Variants in NPHP4 observed in about 807,000 individuals in gnomAD.
NPHP4 encodes the protein nephrocystin-4.
NPHP4 carries 151 observed loss-of-function variants against 155.8 expected under a neutral mutation model. That is an observed-to-expected ratio of 0.97 (90% CI 0.85 to 1.11). The LOEUF is 1.11. Ranked by LOEUF, NPHP4 falls within the 50% of genes least tolerant of loss-of-function variation. The probability of loss-of-function intolerance (pLI) is 0.00; values close to 1 mark genes in which losing one functional copy is unlikely to be tolerated. For synonymous variants in NPHP4, 845 were observed against 816.8 expected, an observed-to-expected ratio of 1.03 and a Z score of -0.59; for missense variants, 1,956 against 1,925.7, an observed-to-expected ratio of 1.02 and a Z score of -0.29.
chr1:5,874,368 G>T, intron 22 of NPHP4, 103 bp downstream of exon 22: 1 of 1,164,608 alleles, frequency 8.6e-7, no homozygotes, highest in Non-Finnish European at 1.2e-6. Flanking sequence ...AGGCTAGTCT[G>T]TCTGCACAGG....
Position 5,867,053 on chromosome 1 carries a change from C to G in NPHP4, c.3535G>C (p.Val1179Leu), listed in dbSNP as rs757359430. Residue 1179 changes from valine to leucine, a missense_variant, in exon 25 of 30, where the codon GTC (valine) becomes CTC (leucine). Physicochemically the swap from Val to Leu is conservative, Grantham distance 32. Transcript: ENST00000378156. The surrounding 1 kb of genome is among the most constrained non-coding windows in gnomAD (Gnocchi z 4.1). The stretch of plus-strand genomic sequence containing the variant: ...ACCACATTCTGGGTCTCACAGATGA[C>G]GTTCGGGTCGCTGCAGCGAACATGG... ...PVHVRCSDPN[V>L]ICETQNVGPG... The G allele has an allele frequency of 1.2e-6, 2 of 1,613,064 alleles. No individual in the cohort carries two copies. The highest frequency in any genetic ancestry group is 1.7e-6 in the Non-Finnish European group (2 of 1,179,526).
intron 16 of NPHP4, among the ~76,000 whole-genome samples, chr1:5,895,492 T>G (rs1644350828): frequency 6.6e-6 from 1 of 152,168 alleles, no homozygotes; most frequent in East Asian, 1.9e-4. Flanking sequence ...AGAGTAAGAC[T>G]TCGTTTCAAA....
intron 9 of NPHP4, among the ~76,000 whole-genome samples, chr1:5,941,335 G>A (rs550094346): frequency 6.4e-5 from 9 of 141,528 alleles, no homozygotes; most frequent in East Asian, 6.0e-4. Context: ...AACATTGCAC[G>A]AGGAGAAAAT....
intron 7 of NPHP4, among the ~76,000 whole-genome samples, chr1:5,951,683 A>G (rs114263507): frequency 0.021 from 3,147 of 152,332 alleles, 108 homozygotes; most frequent in African/African-American, 0.071. Context: ...ACAGTTCATC[A>G]GGCCCAATTT....
chr1:5,893,002 G>T (rs1047888301), intron 16 of NPHP4, among the ~76,000 whole-genome samples: 1 of 152,216 alleles, frequency 6.6e-6, no homozygotes, highest in African/African-American at 2.4e-5. Flanking sequence ...TCCAGGCAAC[G>T]ATGAATGAGT....
Position 5,875,070 on chromosome 1 carries a change from G to C in NPHP4, c.2848C>G (p.Arg950Gly), listed in dbSNP as rs371939932. The change falls in exon 21 of 30, where the codon CGG becomes GGG. Residue 950 changes from arginine to glycine, a missense_variant. Coordinates refer to ENST00000378156, the MANE Select transcript of NPHP4 (RefSeq NM_015102.5). Reference sequence around the variant, plus strand: ...TAGGCGGCGATGACCTGTAGGTCCCGCAAGTGCTGTGTGCGGACGCTCTGC... The same window carrying C: ...TAGGCGGCGATGACCTGTAGGTCCCCCAAGTGCTGTGTGCGGACGCTCTGC... ...AQQSVRTQHL[R>G]DLQVIAAYRE... 1.2e-6 allele frequency: 2 copies of C among 1,606,690 alleles called. No individual in the cohort carries two copies. The highest frequency in any genetic ancestry group is 1.7e-6 in the Non-Finnish European group (2 of 1,179,538).
At position 5,867,583 on chromosome 1, in the gene NPHP4, A is replaced by T; in HGVS notation, c.3472+157T>A. ...AGGTGGCAAGAGGGACACCGTTTCA[A>T]ACCATAAAGGCAGGAGAGAGAATTC... is the stretch of plus-strand genomic sequence containing the variant. On this transcript the variant is annotated intron_variant, in intron 24 of 29. Coordinates refer to ENST00000378156, the MANE Select transcript of NPHP4 (RefSeq NM_015102.5). The surrounding 1 kb of genome is among the most constrained non-coding windows in gnomAD (Gnocchi z 4.1). The T allele has an allele frequency of 1.3e-6, 1 of 753,348 alleles. No homozygotes were observed. Among genetic ancestry groups the T allele is most frequent in the Non-Finnish European group, 2.1e-6 (1 of 473,898 alleles). The allele number at this position is 753,348 out of a possible 1,614,324, so 46.7% of individuals were successfully genotyped here.
chr1:5,863,593 T>C, intron 29 of NPHP4, 188 bp from the exon 30 acceptor site: 1 of 673,606 alleles, frequency 1.5e-6, no homozygotes, highest in Admixed American at 2.7e-5. Context: ...GCTCAGCCAG[T>C]GTGACGCGTT....
chr1:5,893,532 C>T (rs1453060466), intron 16 of NPHP4, among the ~76,000 whole-genome samples: 1 of 152,196 alleles, frequency 6.6e-6, no homozygotes, highest in Non-Finnish European at 1.5e-5. Flanking sequence ...TTAGTACTTT[C>T]ACTAATTTTG....
chr1:5,898,194 C>A (rs1231911711), intron 16 of NPHP4, among the ~76,000 whole-genome samples: 4 of 152,152 alleles, frequency 2.6e-5, no homozygotes, highest in African/African-American at 9.7e-5. Flanking sequence ...AGGGCCCCCA[C>A]AAGACAAAAA....
chr1:5,896,248 G>C (rs556577875), intron 16 of NPHP4, among the ~76,000 whole-genome samples: 1 of 152,350 alleles, frequency 6.6e-6, no homozygotes, highest in South Asian at 2.1e-4. Context: ...GGGCTACGGT[G>C]TTCAACTTTC....
Position 5,867,774 on chromosome 1 carries a change from C to T in NPHP4, c.3438G>A (p.Lys1146=), listed in dbSNP as rs760841174. The T allele has an allele frequency of 1.1e-5, 18 of 1,611,932 alleles. No individual in the cohort carries two copies. The highest frequency in any genetic ancestry group is 3.3e-5 in the Admixed American group (2 of 59,994). The change falls in exon 24 of 30, where the codon AAG becomes AAA. Residue 1146 remains lysine, a synonymous_variant. Transcript: ENST00000378156. The surrounding 1 kb of genome is among the most constrained non-coding windows in gnomAD (Gnocchi z 4.1). ...FYHPELSFLK[K]AIRLPPWHTF... ...TGTGCCAGGGCGGCAGGCGGATGGC[C>T]TTCTTCAGGAAGGAGAGCTCCGGGT...
chr1:5,905,509 G>C lies in NPHP4; in HGVS notation c.1764-26C>G. 1 of 1,597,644 alleles carries C rather than the reference G, an allele frequency of 6.3e-7. No individual in the cohort carries two copies. Among genetic ancestry groups the C allele is most frequent in the Non-Finnish European group, 8.6e-7 (1 of 1,167,982 alleles). On this transcript the variant is annotated intron_variant, in intron 14 of 29. Transcript: ENST00000378156. This position sits in a 1 kb window ranked among gnomAD's most constrained non-coding sequence, Gnocchi z 4.0. ...CTGAGACACAGAGACTCCTCAGGTA[G>C]CCTCCCGGGAAAGGGGGGACCCATT... is the stretch of plus-strand genomic sequence containing the variant.
At chr1:5,922,151 G>T (rs1048280532) in intron 11 of NPHP4, among the ~76,000 whole-genome samples, 1 of 152,252 alleles carries the variant, frequency 6.6e-6, no homozygotes, top group Non-Finnish European at 1.5e-5. Context: ...GAAGATGGAA[G>T]AAGGAGCCAA....
At chr1:5,936,899 C>T (rs1022040606) in intron 9 of NPHP4, among the ~76,000 whole-genome samples, 2 of 152,192 alleles carry the variant, frequency 1.3e-5, no homozygotes, top group Non-Finnish European at 2.9e-5. Flanking sequence ...TGAGATAATC[C>T]TTCATTATCT....
chr1:5,867,162 C>T lies in NPHP4; in HGVS notation c.3473-47G>A. On this transcript the variant is annotated intron_variant, in intron 24 of 29. Transcript: ENST00000378156. The surrounding 1 kb of genome is among the most constrained non-coding windows in gnomAD (Gnocchi z 4.1). ...AAAGAGTCTTCTCCACAGCCCCAGC[C>T]TGTGTGGAGAAGGCCCCACACATTA... 6.9e-7 allele frequency: 1 copy of T among 1,455,974 alleles called. No homozygotes were observed. Among genetic ancestry groups the T allele is most frequent in the Non-Finnish European group, 9.5e-7 (1 of 1,053,448 alleles). The allele number at this position is 1,455,974 out of a possible 1,614,324, so 90.2% of individuals were successfully genotyped here. A position where few individuals can be genotyped will look rare whatever the true frequency, so the allele number is the denominator to read the frequency against.
chr1:5,958,853 T>C (rs373216538), intron 6 of NPHP4, among the ~76,000 whole-genome samples: 1 of 5,472 alleles, frequency 1.8e-4, no homozygotes, highest in Admixed American at 1.1e-3. Context: ...CCAGACCCTG[T>C]CTCAAAAAAA....
rs1645139022 is a variant in NPHP4, at chr1:5,910,733, C to T, written c.1442-1520G>A. The stretch of plus-strand genomic sequence containing the variant: ...AGGAGAAACCAAATCCAGAAAGTGC[C>T]GCCCTAACACCAGAGCTGCACGACC... On this transcript the variant is annotated intron_variant, in intron 11 of 29. Coordinates refer to ENST00000378156, the MANE Select transcript of NPHP4 (RefSeq NM_015102.5). This position sits in a 1 kb window ranked among gnomAD's most constrained non-coding sequence, Gnocchi z 5.4. Among the ~76,000 whole-genome samples, 1 of 152,210 alleles carries T rather than the reference C, an allele frequency of 6.6e-6. No individual in the cohort carries two copies. Among genetic ancestry groups the T allele is most frequent in the African/African-American group, 2.4e-5 (1 of 41,456 alleles).
At position 5,865,134 on chromosome 1, in the gene NPHP4, T is replaced by C. The variant is rs1185675704; in HGVS notation, c.3784A>G (p.Arg1262Gly). 3 of 1,613,644 alleles carry C rather than the reference T, an allele frequency of 1.9e-6. No homozygotes were observed. Among genetic ancestry groups the C allele is most frequent in the East Asian group, 4.5e-5 (2 of 44,880 alleles). The stretch of plus-strand genomic sequence containing the variant: ...TCCTGGGGATGAGAGGTGAAAGCTC[T>C]CACTTTCCTCACTGTCTGTGTCCCC... ...LRGTQTVRKVRAFTSHPQELK... is the reference protein window; with the variant it reads ...LRGTQTVRKVGAFTSHPQELK... The change falls in exon 27 of 30, where the codon AGA (arginine) becomes GGA (glycine). Residue 1262 changes from arginine (R) to glycine (G), a missense_variant. By Grantham distance (125) the Arg-to-Gly change is moderately radical. Transcript: ENST00000378156.
Sources: gnomAD v4.1 joint callset for allele counts (sites outside exome capture counted in the v4.1 genomes callset) on GRCh38, gnomAD v4.1.1 for gene constraint, Gnocchi (gnomAD v3.1) non-coding constraint, MANE v1.5 for transcripts, NCBI Gene and HGNC (gene_info 2026-07-23, HGNC 2026-07-21) for gene names.